The following NKAIN2 variants were observed in gnomAD, a reference collection of about 807,000 sequenced individuals.
NKAIN2 encodes the protein sodium/potassium transporting ATPase interacting 2, also known as sodium/potassium-transporting ATPase subunit beta-1-interacting protein 2.
NKAIN2 carries 14 observed loss-of-function variants against 32.6 expected under a neutral mutation model. That is an observed-to-expected ratio of 0.43 (90% CI 0.28 to 0.67). The LOEUF is 0.67. NKAIN2 is among the 30% of genes least tolerant of loss of function. The probability of loss-of-function intolerance (pLI) is 0.17; values close to 1 mark genes in which losing one functional copy is unlikely to be tolerated. For synonymous variants in NKAIN2, 80 were observed against 87.2 expected (o/e 0.92, Z 0.46); for missense variants, 198 against 258.3 (o/e 0.77, Z 1.60).
chr6:124,115,079 A>G (rs112448394), intron 1 of NKAIN2, among the ~76,000 whole-genome samples: 3,024 of 152,238 alleles, frequency 0.02, 49 homozygotes, highest in Non-Finnish European at 0.032. Context: ...ATCTGTCAAT[A>G]TGTCATTTAC....
intron 1 of NKAIN2, among the ~76,000 whole-genome samples, chr6:124,170,941 A>G (rs966896709): frequency 7.6e-4 from 116 of 152,158 alleles, no homozygotes; most frequent in African/African-American, 2.7e-3. Context: ...TTACCTTTTC[A>G]CTCTGGTAAA....
chr6:124,347,019 G>C (rs1798459102), intron 2 of NKAIN2, among the ~76,000 whole-genome samples: 1 of 152,026 alleles, frequency 6.6e-6, no homozygotes, highest in Non-Finnish European at 1.5e-5. Flanking sequence ...AGCTCTTTTA[G>C]GGCAGGCCTG....
chr6:124,289,589 G>C (rs1795708065), intron 2 of NKAIN2, among the ~76,000 whole-genome samples: 1 of 152,110 alleles, frequency 6.6e-6, no homozygotes, highest in Non-Finnish European at 1.5e-5. Context: ...TTGCATGGGG[G>C]AAAAATCCTC....
intron 4 of NKAIN2, among the ~76,000 whole-genome samples, chr6:124,767,086 G>A (rs1778547267): frequency 6.6e-6 from 1 of 151,992 alleles, no homozygotes; most frequent in South Asian, 2.1e-4. Context: ...AGTTGAGACG[G>A]GGTTTCACCA....
intron 6 of NKAIN2, among the ~76,000 whole-genome samples, chr6:124,821,602 C>T (rs1346647710): frequency 6.6e-6 from 1 of 152,092 alleles, no homozygotes; most frequent in Non-Finnish European, 1.5e-5. Context: ...TTTTGTTAAA[C>T]AGAGCACTTT....
At chr6:124,823,165 C>A in intron 6 of NKAIN2, 55 bp from the exon 7 acceptor site, 1 of 1,263,634 alleles carries the variant, frequency 7.9e-7, no homozygotes, top group Non-Finnish European at 1.2e-6. Flanking sequence ...AGGTGGTGAG[C>A]AGCAGGCACC....
At chr6:124,005,483 A>G (rs1315447547) in intron 1 of NKAIN2, among the ~76,000 whole-genome samples, 1 of 152,124 alleles carries the variant, frequency 6.6e-6, no homozygotes, top group Non-Finnish European at 1.5e-5. Context: ...GCCATATGCC[A>G]TATTATAGTC....
Position 123,853,345 on chromosome 6 carries a change from A to T in NKAIN2, c.54+49091A>T, listed in dbSNP as rs1443893493. 2.6e-5 allele frequency among the ~76,000 whole-genome samples: 4 copies of T among 152,344 alleles called. No individual in the cohort carries two copies. In the East Asian group the frequency reaches 7.7e-4, roughly 29 times the overall value. ...TTCTATACATAATTCACAAATCTAC[A>T]ATAGAAAAATTGAATGGTCTCTTTG... On this transcript the variant is annotated intron_variant, in intron 1 of 6. Transcript: ENST00000368417.
intron 1 of NKAIN2, among the ~76,000 whole-genome samples, chr6:123,903,059 T>A (rs1049838946): frequency 2.0e-5 from 3 of 152,236 alleles, no homozygotes; most frequent in African/African-American, 7.2e-5. Context: ...GGAGACATGA[T>A]TACTGGTAGT....
intron 1 of NKAIN2, among the ~76,000 whole-genome samples, chr6:123,822,932 G>T (rs567300676): frequency 6.6e-6 from 1 of 152,256 alleles, no homozygotes; most frequent in East Asian, 1.9e-4. Context: ...ACATTATGAA[G>T]AGTTTTGAAA....
chr6:124,361,734 A>G (rs565552382), intron 3 of NKAIN2, among the ~76,000 whole-genome samples: 1 of 152,182 alleles, frequency 6.6e-6, no homozygotes, highest in East Asian at 1.9e-4. Context: ...TAGGGAATAA[A>G]ATTGCACTCT....
At chr6:124,412,007 C>G (rs1233064709) in intron 3 of NKAIN2, among the ~76,000 whole-genome samples, 1 of 152,174 alleles carries the variant, frequency 6.6e-6, no homozygotes, top group Non-Finnish European at 1.5e-5. Context: ...TCACGTGGTT[C>G]TCGTGCCGTG....
At chr6:124,551,193 A>G (rs1371678374) in intron 3 of NKAIN2, among the ~76,000 whole-genome samples, 1 of 152,196 alleles carries the variant, frequency 6.6e-6, no homozygotes, top group East Asian at 1.9e-4. Flanking sequence ...TGGGCCATAA[A>G]ATTAAACTGG....
At chr6:124,378,096 T>C (rs1348231908) in intron 3 of NKAIN2, among the ~76,000 whole-genome samples, 2 of 152,128 alleles carry the variant, frequency 1.3e-5, no homozygotes, top group African/African-American at 4.8e-5. Context: ...GACTTCTTGC[T>C]CCAGTATTCT....
intron 1 of NKAIN2, among the ~76,000 whole-genome samples, chr6:123,880,714 G>A (rs9490984): frequency 0.013 from 2,038 of 152,262 alleles, 49 homozygotes; most frequent in African/African-American, 0.046. Context: ...CTTATTTAAT[G>A]TATCTCAATA....
chr6:124,337,756 A>T (rs1356415233), intron 2 of NKAIN2, among the ~76,000 whole-genome samples: 1 of 152,172 alleles, frequency 6.6e-6, no homozygotes, highest in East Asian at 1.9e-4. Flanking sequence ...ACTATTTTTG[A>T]TACATTAGCA....
At chr6:124,389,096 A>G (rs1773034944) in intron 3 of NKAIN2, among the ~76,000 whole-genome samples, 1 of 152,158 alleles carries the variant, frequency 6.6e-6, no homozygotes, top group Non-Finnish European at 1.5e-5. Context: ...ATATTGATGA[A>G]TTCACCTAAA....
At chr6:124,591,468 A>G (rs917842788) in intron 3 of NKAIN2, among the ~76,000 whole-genome samples, 4 of 152,132 alleles carry the variant, frequency 2.6e-5, no homozygotes, top group African/African-American at 9.7e-5. Flanking sequence ...GGGATATTTC[A>G]AAGCCTAGAG....
At chr6:123,903,660 G>T (rs1298740321) in intron 1 of NKAIN2, among the ~76,000 whole-genome samples, 1 of 152,140 alleles carries the variant, frequency 6.6e-6, no homozygotes, top group East Asian at 1.9e-4. Context: ...ACCATAAGTT[G>T]TCAGGTGTAC....
Sources: allele counts gnomAD v4.1 joint callset (sites outside exome capture counted in the v4.1 genomes callset), GRCh38; gene constraint gnomAD v4.1.1; transcripts MANE v1.5; gene names NCBI Gene and HGNC (gene_info 2026-07-23, HGNC 2026-07-21).